OPCML: variants seen among roughly 807,000 people sequenced by gnomAD.
The protein encoded by OPCML is opioid-binding protein/cell adhesion molecule.
OPCML carries 13 observed loss-of-function variants against 37.8 expected under a neutral mutation model. That is an observed-to-expected ratio of 0.34 (90% CI 0.22 to 0.55). OPCML has a LOEUF of 0.55. Ranked by LOEUF, OPCML falls within the 20% of genes least tolerant of loss-of-function variation. OPCML has a pLI of 0.91. For synonymous variants in OPCML, 176 were observed against 168.8 expected (o/e 1.04, Z -0.33); for missense variants, 341 against 435.6 (o/e 0.78, Z 1.93).
intron 1 of OPCML, among the ~76,000 whole-genome samples, chr11:133,140,503 C>A (rs1165203922): frequency 1.5e-5 from 1 of 68,816 alleles, no homozygotes; most frequent in Non-Finnish European, 3.1e-5. Context: ...TGACAAGAGA[C>A]TCTGTCTCAA....
At chr11:132,495,737 A>C (rs1172232750) in intron 4 of OPCML, among the ~76,000 whole-genome samples, 1 of 152,006 alleles carries the variant, frequency 6.6e-6, no homozygotes, top group East Asian at 1.9e-4. Flanking sequence ...TAAAAATACA[A>C]AAACAAAATT....
chr11:132,749,539 T>C (rs1422436971), intron 2 of OPCML, among the ~76,000 whole-genome samples: 3 of 152,142 alleles, frequency 2.0e-5, no homozygotes, highest in Admixed American at 6.5e-5. Context: ...AGAGATGTCA[T>C]GTAGGCAGTT....
chr11:132,585,786 C>T (rs2096471367), intron 3 of OPCML, among the ~76,000 whole-genome samples: 1 of 152,186 alleles, frequency 6.6e-6, no homozygotes, highest in Non-Finnish European at 1.5e-5. Context: ...ATAAAACTTA[C>T]CATCTCTTGC....
intron 3 of OPCML, among the ~76,000 whole-genome samples, chr11:132,547,503 G>A (rs1021619408): frequency 2.0e-5 from 3 of 152,070 alleles, no homozygotes; most frequent in African/African-American, 7.2e-5. Flanking sequence ...GCAGAGTCTG[G>A]AAAAGTGAAC....
chr11:133,320,368 G>C (rs548179939), intron 1 of OPCML, among the ~76,000 whole-genome samples: 2 of 152,214 alleles, frequency 1.3e-5, no homozygotes, highest in African/African-American at 4.8e-5. Context: ...AACTGGTTTT[G>C]GGTCCTAAAT....
intron 4 of OPCML, among the ~76,000 whole-genome samples, chr11:132,511,768 C>T (rs548531535): frequency 1.3e-5 from 2 of 151,922 alleles, no homozygotes; most frequent in Non-Finnish European, 2.9e-5. Flanking sequence ...GATCTTACAG[C>T]TAAACAAAAA....
intron 1 of OPCML, among the ~76,000 whole-genome samples, chr11:133,410,912 C>T (rs1396832699): frequency 1.3e-5 from 2 of 152,220 alleles, no homozygotes; most frequent in Admixed American, 6.5e-5. Flanking sequence ...ACCATGGGAC[C>T]ACCCATTCCA....
chr11:132,533,201 G>T (rs2096330929), intron 3 of OPCML, among the ~76,000 whole-genome samples: 1 of 152,188 alleles, frequency 6.6e-6, no homozygotes, highest in Non-Finnish European at 1.5e-5. Flanking sequence ...TGCTGGTGCT[G>T]CAGGTATCTG....
intron 2 of OPCML, among the ~76,000 whole-genome samples, chr11:132,743,121 T>A (rs117569826): frequency 0.048 from 7,311 of 152,246 alleles, 328 homozygotes; most frequent in Admixed American, 0.072. Context: ...CATGACAACG[T>A]CATGCTCGTG....
At chr11:132,710,115 G>A (rs1384031356) in intron 2 of OPCML, among the ~76,000 whole-genome samples, 1 of 152,138 alleles carries the variant, frequency 6.6e-6, no homozygotes, top group Non-Finnish European at 1.5e-5. Flanking sequence ...GTCATATGTG[G>A]AGCTTCTGAA....
Position 132,621,389 on chromosome 11 carries a change from T to TA in OPCML, c.379+35697dup, listed in dbSNP as rs531464045. ...AATTTTATTCAAAATGGCTAAAAGA[T>TA]AAAAACCAACCAGTGTTTATCATAA... is the stretch of plus-strand genomic sequence containing the variant. On this transcript the variant is annotated intron_variant, in intron 3 of 7. Coordinates refer to ENST00000524381, the MANE Select transcript of OPCML (RefSeq NM_001012393.5). Among the ~76,000 whole-genome samples the TA allele has an allele frequency of 3.5e-3, 536 of 152,222 alleles. 3 individuals are homozygous for TA. Among genetic ancestry groups the TA allele is most frequent in the African/African-American group, 0.012 (501 of 41,528 alleles).
intron 1 of OPCML, among the ~76,000 whole-genome samples, chr11:133,489,367 TCAAA>T (rs1947603919): frequency 6.8e-6 from 1 of 148,074 alleles, no homozygotes. Flanking sequence ...TACAAGGAAC[TCAAA>T]CAACTCAACA....
chr11:133,452,805 A>G (rs1946605725), intron 1 of OPCML, among the ~76,000 whole-genome samples: 1 of 151,714 alleles, frequency 6.6e-6, no homozygotes, highest in South Asian at 2.1e-4. Flanking sequence ...ATCAGCTCCA[A>G]GGCTTTTGCT....
intron 3 of OPCML, among the ~76,000 whole-genome samples, chr11:132,618,003 TTACAGTGGCTTAA>T (rs1191824013): frequency 6.6e-6 from 1 of 152,206 alleles, no homozygotes; most frequent in Non-Finnish European, 1.5e-5. Flanking sequence ...AGCCGCAGTG[TTACAGTGGCTTAA>T]TACAACTCTA....
intron 1 of OPCML, chr11:133,422,971 G>T (rs1392103523): frequency 1.0e-6 from 1 of 985,252 alleles, no homozygotes; most frequent in African/African-American, 1.7e-5. Flanking sequence ...GTCATATAAT[G>T]AGACAGTGTG....
intron 1 of OPCML, among the ~76,000 whole-genome samples, chr11:133,442,726 C>CGTGTGTGTGTGTGTGTGTGTGT (rs371441649): frequency 7.1e-6 from 1 of 141,350 alleles, no homozygotes; most frequent in African/African-American, 2.6e-5. Flanking sequence ...CATATTTAAA[C>CGTGTGTGTGTGTGTGTGTGTGT]GTGTGTGTGT....
chr11:133,006,103 T>C, intron 1 of OPCML: 2 of 985,330 alleles, frequency 2.0e-6, no homozygotes, highest in Non-Finnish European at 2.4e-6. Context: ...GTTTCTGGCA[T>C]GGGGTCATTG....
chr11:133,310,003 G>A (rs773065001), intron 1 of OPCML, among the ~76,000 whole-genome samples: 1 of 137,276 alleles, frequency 7.3e-6, no homozygotes. Context: ...TCTAGAGTAC[G>A]AGAGAGATGT....
At chr11:132,926,909 C>G (rs1945013337) in intron 2 of OPCML, among the ~76,000 whole-genome samples, 1 of 151,698 alleles carries the variant, frequency 6.6e-6, no homozygotes, top group African/African-American at 2.4e-5. Flanking sequence ...AAGAAAACAA[C>G]CAAAAACAAA....
Sources: gnomAD v4.1 joint callset for allele counts (sites outside exome capture counted in the v4.1 genomes callset) on GRCh38, gnomAD v4.1.1 for gene constraint, MANE v1.5 for transcripts, NCBI Gene and HGNC (gene_info 2026-07-23, HGNC 2026-07-21) for gene names.